Variants in MAMDC2 observed in about 807,000 individuals in gnomAD.
The protein encoded by MAMDC2 is MAM domain containing 2, also known as MAM domain-containing protein 2.
MAMDC2 carries 57 observed loss-of-function variants against 89.8 expected under a neutral mutation model. That is an observed-to-expected ratio of 0.63 (90% CI 0.51 to 0.79). The LOEUF is 0.79. Among genes scored for constraint, MAMDC2 ranks in the 30% least tolerant of loss-of-function variants. The pLI is 0.00. For synonymous variants in MAMDC2, 313 were observed against 293.4 expected (o/e 1.07, Z -0.68); for missense variants, 800 against 820.6 (o/e 0.97, Z 0.31).
In MAMDC2 at chr9:70,063,961, A is replaced by C. The variant is rs115609490; in HGVS notation, c.148+19264A>C. ...GATTAAATGGAAGCCACCTGAAAAA[A>C]TAAAATTTTACTGAAAAAGATCTTT... On this transcript the variant is annotated intron_variant, in intron 2 of 13. Transcript: ENST00000377182. 6.1e-3 allele frequency among the ~76,000 whole-genome samples: 936 copies of C among 152,280 alleles called. 15 individuals are homozygous for C. The highest frequency in any genetic ancestry group is 0.022 in the African/African-American group (904 of 41,566).
intron 2 of MAMDC2, among the ~76,000 whole-genome samples, chr9:70,104,216 T>A (rs907348971): frequency 1.3e-5 from 2 of 152,178 alleles, no homozygotes; most frequent in Admixed American, 1.3e-4. Flanking sequence ...ATTAGTCACT[T>A]GAGAAATGCA....
chr9:70,195,992 G>GACTC (rs2032967905), intron 11 of MAMDC2, among the ~76,000 whole-genome samples: 1 of 152,124 alleles, frequency 6.6e-6, no homozygotes, highest in Non-Finnish European at 1.5e-5. Flanking sequence ...AGGTTTAATG[G>GACTC]ACTCACAGTT....
intron 4 of MAMDC2, 136 bp downstream of exon 4, chr9:70,109,940 C>A (rs1489124635): frequency 7.0e-6 from 5 of 710,212 alleles, no homozygotes; most frequent in African/African-American, 1.8e-5. Flanking sequence ...GGTTTAAATT[C>A]TTTGCTAGAT....
At chr9:70,052,143 G>T (rs1271108486) in intron 2 of MAMDC2, among the ~76,000 whole-genome samples, 3 of 152,186 alleles carry the variant, frequency 2.0e-5, no homozygotes, top group Non-Finnish European at 2.9e-5. Flanking sequence ...GTCCATGGTT[G>T]AGGAATGTGT....
chr9:70,121,127 T>C (rs1036993145), intron 5 of MAMDC2, among the ~76,000 whole-genome samples: 1 of 152,160 alleles, frequency 6.6e-6, no homozygotes, highest in Non-Finnish European at 1.5e-5. Context: ...AGGGCAGTCT[T>C]AGGGGAATGC....
chr9:70,208,257 T>C (rs1299300897), intron 11 of MAMDC2, among the ~76,000 whole-genome samples: 1 of 152,196 alleles, frequency 6.6e-6, no homozygotes, highest in East Asian at 1.9e-4. Context: ...ATTCTTCCTA[T>C]CCATGAGCAT....
chr9:70,070,272 A>G (rs1827372808), intron 2 of MAMDC2, among the ~76,000 whole-genome samples: 1 of 152,194 alleles, frequency 6.6e-6, no homozygotes, highest in South Asian at 2.1e-4. Context: ...GCATGTGGAA[A>G]GAGAAAGAGA....
At chr9:70,170,765 C>G in intron 11 of MAMDC2, 134 bp downstream of exon 11, 1 of 785,210 alleles carries the variant, frequency 1.3e-6, no homozygotes, top group Non-Finnish European at 1.9e-6. Context: ...ATTCTACACA[C>G]ACAGGATGAT....
At chr9:70,121,104 C>T (rs775974468) in intron 5 of MAMDC2, among the ~76,000 whole-genome samples, 5 of 152,180 alleles carry the variant, frequency 3.3e-5, no homozygotes, top group African/African-American at 1.2e-4. Context: ...CCTCTGGCAC[C>T]GCGGCCAAGC....
rs368156190 is a variant in MAMDC2 at position 70,143,652 on chromosome 9, C to T, written c.1237C>T (p.Arg413Cys). Residue 413 changes from arginine (R) to cysteine (C), a missense_variant, in exon 9 of 14, where the codon CGT (arginine) becomes TGT (cysteine). Transcript: ENST00000377182. Reference protein sequence around the residue: ...SLPGNLQYCLRFHYAIYGFLK... With the variant: ...SLPGNLQYCLCFHYAIYGFLK... ...ACCAGGAAACTTGCAGTATTGTCTG[C>T]GTTTTCATTATGCCATCTATGGATT... The T allele has an allele frequency of 3.3e-5, 53 of 1,614,024 alleles. No homozygotes were observed. Among genetic ancestry groups the T allele is most frequent in the African/African-American group, 4.0e-5 (3 of 74,914 alleles).
rs75229441 is a variant in MAMDC2, at chr9:70,134,684, C to T, written c.994+3072C>T. ...CCCAACCTCCTGTCTGTTTGGAAAC[C>T]CAGGCCCAATTACTGCCTAGGCTAC... On this transcript the variant is annotated intron_variant, in intron 7 of 13. Coordinates refer to ENST00000377182, the MANE Select transcript of MAMDC2 (RefSeq NM_153267.5). Among the ~76,000 whole-genome samples the T allele has an allele frequency of 7.9e-5, 12 of 152,152 alleles. No individual in the cohort carries two copies. In the East Asian group the frequency reaches 2.1e-3, roughly 27 times the overall value.
intron 11 of MAMDC2, chr9:70,194,430 C>A (rs1392635204): frequency 1.3e-5 from 2 of 152,088 alleles, no homozygotes; most frequent in African/African-American, 4.8e-5. Flanking sequence ...ACGCAGCATT[C>A]GACTCTCTTG....
At chr9:70,140,075 C>A in intron 7 of MAMDC2, 70 bp from the exon 8 acceptor site, 1 of 1,438,448 alleles carries the variant, frequency 7.0e-7, no homozygotes, top group Non-Finnish European at 9.2e-7. Context: ...ATATAAATAT[C>A]TGTCAACCAG....
intron 2 of MAMDC2, among the ~76,000 whole-genome samples, chr9:70,096,111 C>A (rs1376450532): frequency 6.6e-6 from 1 of 152,020 alleles, no homozygotes; most frequent in East Asian, 1.9e-4. Context: ...GCAGCCTCGA[C>A]CTCCCCAGGC....
intron 9 of MAMDC2, chr9:70,157,750 G>A (rs1042378679): frequency 6.6e-6 from 1 of 152,518 alleles, no homozygotes; most frequent in African/African-American, 2.4e-5. Flanking sequence ...AATCTGAAAG[G>A]CAAATGTCAA....
At chr9:70,123,906 C>G (rs1007795899) in intron 5 of MAMDC2, among the ~76,000 whole-genome samples, 1 of 152,216 alleles carries the variant, frequency 6.6e-6, no homozygotes, top group African/African-American at 2.4e-5. Flanking sequence ...ACACCTTGAT[C>G]CTTGACTTCT....
chr9:70,207,981 A>G (rs1450967798), intron 11 of MAMDC2, among the ~76,000 whole-genome samples: 2 of 151,992 alleles, frequency 1.3e-5, no homozygotes, highest in Non-Finnish European at 2.9e-5. Context: ...GTTCTGTTCC[A>G]TTGGTCTATA....
At chr9:70,161,845 C>A (rs1014986573) in intron 9 of MAMDC2, among the ~76,000 whole-genome samples, 1 of 152,202 alleles carries the variant, frequency 6.6e-6, no homozygotes, top group South Asian at 2.1e-4. Flanking sequence ...ATGCCACCAA[C>A]TCTGTAGTTG....
At chr9:70,178,192 G>T (rs2032555237) in intron 11 of MAMDC2, among the ~76,000 whole-genome samples, 1 of 152,162 alleles carries the variant, frequency 6.6e-6, no homozygotes, top group Non-Finnish European at 1.5e-5. Flanking sequence ...CAGAATGGCT[G>T]AACTGAGCAA....
Sources: allele counts gnomAD v4.1 joint callset (sites outside exome capture counted in the v4.1 genomes callset), GRCh38; gene constraint gnomAD v4.1.1; transcripts MANE v1.5; gene names NCBI Gene and HGNC (gene_info 2026-07-23, HGNC 2026-07-21).